ORC2: variants seen among roughly 807,000 people sequenced by gnomAD.
ORC2 encodes the protein origin recognition complex subunit 2.
A neutral mutation model predicts 77.7 loss-of-function variants in ORC2; 37 were observed. That is an observed-to-expected ratio of 0.48 (90% CI 0.37 to 0.63). The LOEUF is 0.63. Ranked by LOEUF, ORC2 falls within the 20% of genes least tolerant of loss-of-function variation. The pLI is 0.00. For missense variants in ORC2, 557 were observed against 661.9 expected (o/e 0.84, Z 1.74); for synonymous variants, 201 against 229.5 (o/e 0.88, Z 1.12).
intron 4 of ORC2, among the ~76,000 whole-genome samples, chr2:200,956,625 T>G (rs1575186828): frequency 6.6e-6 from 1 of 152,226 alleles, no homozygotes; most frequent in East Asian, 1.9e-4. Context: ...CCACCATGTC[T>G]GGCCATAAAT....
In ORC2 at chr2:200,963,561, G is replaced by T. The variant is rs1192516196; in HGVS notation, c.-131C>A. ...AACGACACCCCGCTGAGTCGCCGCC[G>T]CAGGGAAGGTACCTTCGGCCCCAAC... On this transcript the variant is annotated 5_prime_UTR_variant, in exon 1 of 18. Transcript: ENST00000234296. 2 of 398,522 alleles carry T rather than the reference G, an allele frequency of 5.0e-6. No homozygotes were observed. The highest frequency in any genetic ancestry group is 7.1e-5 in the East Asian group (2 of 28,082). 24.7% of individuals were successfully genotyped at this position (398,522 alleles called of 1,614,324 possible).
intron 5 of ORC2, among the ~76,000 whole-genome samples, chr2:200,944,686 G>A (rs752502000): frequency 2.0e-5 from 3 of 152,094 alleles, no homozygotes; most frequent in Admixed American, 1.3e-4. Context: ...GACCACAGGC[G>A]TGCGCCACTA....
intron 15 of ORC2, among the ~76,000 whole-genome samples, chr2:200,918,081 AT>A (rs1359257428): frequency 1.3e-5 from 2 of 152,210 alleles, no homozygotes; most frequent in Admixed American, 1.3e-4. Context: ...AATGCTATAT[AT>A]TTTATATGGT....
intron 1 of ORC2, among the ~76,000 whole-genome samples, chr2:200,962,200 A>T (rs1202218569): frequency 6.6e-6 from 1 of 152,200 alleles, no homozygotes; most frequent in African/African-American, 2.4e-5. Flanking sequence ...GAACAAAAAA[A>T]CCTAACAATC....
intron 13 of ORC2, among the ~76,000 whole-genome samples, chr2:200,922,624 C>A (rs1030831123): frequency 1.3e-5 from 2 of 151,592 alleles, no homozygotes; most frequent in African/African-American, 4.9e-5. Context: ...AGAGACAATA[C>A]AGTGACAAAG....
chr2:200,952,812 TAA>T (rs562917701), intron 4 of ORC2, among the ~76,000 whole-genome samples: 2 of 138,906 alleles, frequency 1.4e-5, no homozygotes, highest in Non-Finnish European at 1.6e-5. Flanking sequence ...GCTTAAAAAT[TAA>T]AAAAAAAAAA....
At chr2:200,914,401 C>T (rs1373496593) in intron 15 of ORC2, among the ~76,000 whole-genome samples, 3 of 152,018 alleles carry the variant, frequency 2.0e-5, no homozygotes, top group Admixed American at 6.6e-5. Context: ...CTCCTGATCT[C>T]GTGATCCGCC....
intron 4 of ORC2, among the ~76,000 whole-genome samples, chr2:200,953,411 GTT>G (rs774446171): frequency 3.1e-4 from 38 of 121,348 alleles, no homozygotes; most frequent in African/African-American, 1.1e-3. Flanking sequence ...AAGGGCTACT[GTT>G]TTTTTTTTTT....
At chr2:200,954,901 A>T (rs964301506) in intron 4 of ORC2, among the ~76,000 whole-genome samples, 14 of 129,634 alleles carry the variant, frequency 1.1e-4, no homozygotes, top group Non-Finnish European at 3.4e-5. Context: ...TGAATGAATG[A>T]ATGAATAAAT....
At chr2:200,925,565 C>A (rs2040826527) in intron 13 of ORC2, among the ~76,000 whole-genome samples, 1 of 151,972 alleles carries the variant, frequency 6.6e-6, no homozygotes. Flanking sequence ...CATAGCGAGA[C>A]CTCATCTCTA....
intron 15 of ORC2, among the ~76,000 whole-genome samples, chr2:200,914,446 G>A (rs374222484): frequency 3.9e-5 from 6 of 152,112 alleles, no homozygotes; most frequent in East Asian, 3.9e-4. Flanking sequence ...GATTACAGGC[G>A]TGAGCCACTG....
intron 11 of ORC2, among the ~76,000 whole-genome samples, chr2:200,929,342 T>G (rs2040898235): frequency 6.6e-6 from 1 of 152,156 alleles, no homozygotes; most frequent in Non-Finnish European, 1.5e-5. Context: ...ATCACATTGA[T>G]TATATTTGGG....
At chr2:200,927,540 A>AC (rs1185082873) in intron 11 of ORC2, among the ~76,000 whole-genome samples, 1 of 150,062 alleles carries the variant, frequency 6.7e-6, no homozygotes, top group African/African-American at 2.4e-5. Flanking sequence ...AAAAAAAAAA[A>AC]TTAGCTGGGT....
intron 5 of ORC2, among the ~76,000 whole-genome samples, chr2:200,946,829 T>A (rs1265966300): frequency 6.6e-6 from 1 of 152,208 alleles, no homozygotes; most frequent in Non-Finnish European, 1.5e-5. Flanking sequence ...TCTTTCTAAT[T>A]ATTACATCAG....
intron 5 of ORC2, among the ~76,000 whole-genome samples, chr2:200,948,140 T>C (rs1006654982): frequency 3.3e-5 from 5 of 151,834 alleles, no homozygotes; most frequent in African/African-American, 9.7e-5. Flanking sequence ...GTCTCGATCT[T>C]CTGACCTTGT....
intron 15 of ORC2, among the ~76,000 whole-genome samples, chr2:200,919,091 T>C (rs2040711797): frequency 6.6e-6 from 1 of 152,166 alleles, no homozygotes; most frequent in African/African-American, 2.4e-5. Flanking sequence ...TAGCTTCGCA[T>C]AGTGTTGGGA....
At chr2:200,929,791 GA>G (rs2040906731) in intron 11 of ORC2, among the ~76,000 whole-genome samples, 1 of 141,026 alleles carries the variant, frequency 7.1e-6, no homozygotes, top group Non-Finnish European at 1.6e-5. Context: ...CTCTTAAAAA[GA>G]AAAGAAAAAA....
At chr2:200,949,693 C>G (rs746230157) in intron 4 of ORC2, 50 bp from the exon 5 acceptor site, 1 of 1,130,060 alleles carries the variant, frequency 8.8e-7, no homozygotes, top group African/African-American at 1.6e-5. Flanking sequence ...ACAAAATTAA[C>G]AGAAAAAAAT....
At chr2:200,913,198 C>A in intron 17 of ORC2, 97 bp downstream of exon 17, 1 of 816,176 alleles carries the variant, frequency 1.2e-6, no homozygotes, top group South Asian at 1.7e-5. Context: ...CAGGGAACAT[C>A]AGTTTCAAAA....
Sources: allele counts gnomAD v4.1 joint callset (sites outside exome capture counted in the v4.1 genomes callset), GRCh38; gene constraint gnomAD v4.1.1; transcripts MANE v1.5; gene names NCBI Gene and HGNC (gene_info 2026-07-23, HGNC 2026-07-21).